Variants in ADAMTS18 observed in about 807,000 individuals in gnomAD.
ADAMTS18 encodes the protein A disintegrin and metalloproteinase with thrombospondin motifs 18.
In ADAMTS18, 157 loss-of-function variants were observed where a neutral mutation model predicts 165.9. The observed-to-expected ratio is 0.95, with a 90% confidence interval of 0.83 to 1.08. The LOEUF (loss-of-function observed/expected upper bound fraction) is 1.08, where lower values mean the gene tolerates loss of function less well. ADAMTS18 is among the 50% of genes least tolerant of loss of function. The probability of loss-of-function intolerance (pLI) is 0.00; values close to 1 mark genes in which losing one functional copy is unlikely to be tolerated. For synonymous variants in ADAMTS18, 782 were observed against 578.2 expected (o/e 1.35, Z -5.06); for missense variants, 2,040 against 1,534.0 (o/e 1.33, Z -5.51).
At chr16:77,284,910 C>G (rs552959214) in intron 22 of ADAMTS18, among the ~76,000 whole-genome samples, 1 of 152,234 alleles carries the variant, frequency 6.6e-6, no homozygotes, top group African/African-American at 2.4e-5. Context: ...CCTTATTTGC[C>G]TGCAAATGGG....
At chr16:77,395,515 T>C (rs1377740573) in intron 3 of ADAMTS18, among the ~76,000 whole-genome samples, 1 of 152,194 alleles carries the variant, frequency 6.6e-6, no homozygotes, top group Non-Finnish European at 1.5e-5. Context: ...CTCAACTGAA[T>C]CACCTTTTCC....
intron 1 of ADAMTS18, 41 bp from the exon 2 acceptor site, chr16:77,434,546 G>A (rs1437229768): frequency 1.3e-6 from 2 of 1,534,956 alleles, no homozygotes; most frequent in Admixed American, 3.9e-5. Context: ...GGGGCGCGGC[G>A]GGGCTGGCGT....
chr16:77,373,957 A>C (rs2056913688), intron 3 of ADAMTS18, among the ~76,000 whole-genome samples: 1 of 152,064 alleles, frequency 6.6e-6, no homozygotes, highest in Non-Finnish European at 1.5e-5. Flanking sequence ...GGTGGCTCAC[A>C]CTTGTAATCC....
chr16:77,372,525 G>A (rs145268492), intron 3 of ADAMTS18, among the ~76,000 whole-genome samples: 30 of 152,100 alleles, frequency 2.0e-4, no homozygotes, highest in Non-Finnish European at 3.5e-4. Flanking sequence ...AATCAAAGAC[G>A]GAGTCTTCAT....
At chr16:77,301,070 C>T (rs990429082) in intron 16 of ADAMTS18, among the ~76,000 whole-genome samples, 1 of 152,146 alleles carries the variant, frequency 6.6e-6, no homozygotes, top group South Asian at 2.1e-4. Context: ...TGTTCAGAAT[C>T]AGCAATTGGA....
chr16:77,429,688 GATT>G (rs2144864692), intron 3 of ADAMTS18, among the ~76,000 whole-genome samples: 1 of 152,236 alleles, frequency 6.6e-6, no homozygotes, highest in East Asian at 1.9e-4. Context: ...ATTACTATGA[GATT>G]ATTAATTTGA....
At chr16:77,417,337 G>A (rs901376105) in intron 3 of ADAMTS18, among the ~76,000 whole-genome samples, 4 of 151,982 alleles carry the variant, frequency 2.6e-5, no homozygotes, top group Non-Finnish European at 5.9e-5. Context: ...GGCATAGAGG[G>A]AAAAGAAAAA....
At position 77,335,805 on chromosome 16, in the gene ADAMTS18, T is replaced by C. The variant is rs1418968274; in HGVS notation, c.1810A>G (p.Thr604Ala). ...TGGAACTTGACTCCTCCACCACATG[T>C]CCGGGAACATTCTGACCACTTCGAC... The part of the protein sequence containing the change: ...AWSKWSECSR[T>A]CGGGVKFQER... The change falls in exon 12 of 23, where the codon ACA becomes GCA. Residue 604 changes from threonine to alanine, a missense_variant. Transcript: ENST00000282849. 6.2e-7 allele frequency: 1 copy of C among 1,614,204 alleles called. No individual in the cohort carries two copies.
chr16:77,353,925 T>C, intron 9 of ADAMTS18, 39 bp from the exon 10 acceptor site: 1 of 1,613,146 alleles, frequency 6.2e-7, no homozygotes, highest in Non-Finnish European at 8.5e-7. Context: ...ACTCTGTTGA[T>C]CTGTGATCTT....
At chr16:77,289,743 T>G (rs2144559881) in intron 21 of ADAMTS18, among the ~76,000 whole-genome samples, 1 of 152,174 alleles carries the variant, frequency 6.6e-6, no homozygotes, top group Middle Eastern at 3.4e-3. Context: ...ACCTAGGGAG[T>G]TAATCACAGG....
chr16:77,341,928 GC>G, intron 10 of ADAMTS18, 129 bp from the exon 11 acceptor site: 1 of 753,960 alleles, frequency 1.3e-6, no homozygotes, highest in Non-Finnish European at 2.2e-6. Flanking sequence ...GAAAGTAGAG[GC>G]CAGTGAAGTT....
intron 9 of ADAMTS18, among the ~76,000 whole-genome samples, chr16:77,355,505 T>C (rs548365514): frequency 5.9e-5 from 9 of 152,214 alleles, no homozygotes; most frequent in South Asian, 2.1e-4. Flanking sequence ...ATCGATAACA[T>C]TGAAATAATT....
intron 3 of ADAMTS18, among the ~76,000 whole-genome samples, chr16:77,398,156 A>C (rs1159682130): frequency 6.6e-6 from 1 of 152,106 alleles, no homozygotes; most frequent in Non-Finnish European, 1.5e-5. Context: ...GTCTCTACTA[A>C]AAATACAAAA....
chr16:77,380,125 G>A (rs1597200397), intron 3 of ADAMTS18, among the ~76,000 whole-genome samples: 1 of 152,082 alleles, frequency 6.6e-6, no homozygotes, highest in Non-Finnish European at 1.5e-5. Context: ...ACTCCAATAG[G>A]CTCAAAATGA....
At chr16:77,324,994 T>C (rs575816416) in intron 13 of ADAMTS18, among the ~76,000 whole-genome samples, 1 of 152,304 alleles carries the variant, frequency 6.6e-6, no homozygotes, top group South Asian at 2.1e-4. Flanking sequence ...CAATCCTCTC[T>C]TTCGATTTGG....
At chr16:77,300,160 C>G (rs950630560) in intron 17 of ADAMTS18, 103 bp downstream of exon 17, 2 of 1,379,464 alleles carry the variant, frequency 1.4e-6, no homozygotes, top group East Asian at 2.3e-5. Flanking sequence ...AAAGACAGTT[C>G]TTGGGTGGCT....
At chr16:77,301,293 T>TAAA (rs2055578066) in intron 16 of ADAMTS18, among the ~76,000 whole-genome samples, 1 of 143,440 alleles carries the variant, frequency 7.0e-6, no homozygotes, top group Non-Finnish European at 1.5e-5. Context: ...AAAAAAAAAC[T>TAAA]GGAGAGAAAG....
intron 3 of ADAMTS18, among the ~76,000 whole-genome samples, chr16:77,409,459 C>G (rs1305661419): frequency 6.6e-6 from 1 of 152,164 alleles, no homozygotes; most frequent in Non-Finnish European, 1.5e-5. Context: ...TAACAAAAAA[C>G]TGTTCTCCTA....
In ADAMTS18 at chr16:77,431,345, T is replaced by A. The variant is rs1239010585; in HGVS notation, c.445A>T (p.Ile149Phe). ...EVQQCFYQGF[I>F]RNDSSSSVAV... The stretch of plus-strand genomic sequence containing the variant: ...ACAGAGGAGGAGCTGTCATTTCTGA[T>A]AAATCCCTGATAGAAGCATTGCTGC... The change falls in exon 3 of 23, where the codon ATC becomes TTC. Residue 149 changes from isoleucine (I) to phenylalanine (F), a missense_variant. Coordinates refer to ENST00000282849, the MANE Select transcript of ADAMTS18 (RefSeq NM_199355.4). 1.2e-6 allele frequency: 2 copies of A among 1,614,034 alleles called. No individual in the cohort carries two copies. The highest frequency in any genetic ancestry group is 2.7e-5 in the African/African-American group (2 of 74,906).
Sources: allele counts gnomAD v4.1 joint callset (sites outside exome capture counted in the v4.1 genomes callset), GRCh38; gene constraint gnomAD v4.1.1; transcripts MANE v1.5; gene names NCBI Gene and HGNC (gene_info 2026-07-23, HGNC 2026-07-21).